Variants in AK2 observed in about 807,000 individuals in gnomAD.
AK2 encodes adenylate kinase 2, mitochondrial.
Under a neutral mutation model 24.6 loss-of-function variants are expected in AK2, and 15 were observed. That is an observed-to-expected ratio of 0.61 (90% CI 0.41 to 0.94). The LOEUF (loss-of-function observed/expected upper bound fraction) is 0.94. Among genes scored for constraint, AK2 ranks in the 40% least tolerant of loss-of-function variants. AK2 has a pLI of 0.00. For missense variants in AK2, 257 were observed against 304.1 expected, an observed-to-expected ratio of 0.85 and a Z score of 1.15; for synonymous variants, 102 against 114.0, an observed-to-expected ratio of 0.90 and a Z score of 0.67.
rs1336986360 is a variant in AK2, at chr1:33,012,390, G to T, written c.*791C>A. 2 of 1,514,394 alleles carry T rather than the reference G, an allele frequency of 1.3e-6. No individual in the cohort carries two copies. Among genetic ancestry groups the T allele is most frequent in the Admixed American group, 4.0e-5 (2 of 50,404 alleles). The allele number at this position is 1,514,394 out of a possible 1,614,324, so 93.8% of individuals were successfully genotyped here. A position where few individuals can be genotyped will look rare whatever the true frequency, so the allele number is the denominator to read the frequency against. On this transcript the variant is annotated 3_prime_UTR_variant, in exon 6 of 6. Transcript: ENST00000672715. ...CCTGTTCACACACTGACTCACGTGGGTTTTCATCATGGGTTAGAAAACAAA... is the reference window on the plus strand; with the variant it reads ...CCTGTTCACACACTGACTCACGTGGTTTTTCATCATGGGTTAGAAAACAAA...
intron 1 of AK2, among the ~76,000 whole-genome samples, chr1:33,030,222 T>C (rs1414001609): frequency 6.6e-6 from 1 of 152,220 alleles, no homozygotes; most frequent in Non-Finnish European, 1.5e-5. Context: ...TCTGCTCCAA[T>C]ATTGGTCTAA....
intron 2 of AK2, among the ~76,000 whole-genome samples, chr1:33,022,988 A>T (rs986766070): frequency 1.1e-4 from 17 of 152,314 alleles, no homozygotes; most frequent in Non-Finnish European, 2.1e-4. Context: ...ATGAAGGGAA[A>T]ACTAGATAGA....
intron 4 of AK2, among the ~76,000 whole-genome samples, chr1:33,015,107 C>A (rs1010361755): frequency 3.3e-5 from 5 of 152,180 alleles, no homozygotes; most frequent in African/African-American, 1.2e-4. Flanking sequence ...GAAATGAACT[C>A]TATTTTCTAA....
chr1:33,014,432 AAAGG>A (rs1639046154), intron 5 of AK2, 86 bp downstream of exon 5: 10 of 1,045,156 alleles, frequency 9.6e-6, no homozygotes, highest in Non-Finnish European at 1.3e-5. Flanking sequence ...GGTAGAAATA[AAAGG>A]AAGATGGAAA....
At chr1:33,036,443 C>A (rs1640584338) in intron 1 of AK2, among the ~76,000 whole-genome samples, 1 of 152,200 alleles carries the variant, frequency 6.6e-6, no homozygotes, top group African/African-American at 2.4e-5. Context: ...CTCACTCTAC[C>A]CCTCAAACCT....
chr1:33,026,340 A>G (rs181950432), intron 1 of AK2, among the ~76,000 whole-genome samples: 8 of 152,288 alleles, frequency 5.3e-5, no homozygotes, highest in African/African-American at 1.9e-4. Flanking sequence ...CTGGGATTGC[A>G]GGCACAAGCC....
Position 33,011,112 on chromosome 1 carries a change from G to T in AK2, c.*2069C>A. 1 of 1,422,410 alleles carries T rather than the reference G, an allele frequency of 7.0e-7. No homozygotes were observed. Among genetic ancestry groups the T allele is most frequent in the Non-Finnish European group, 9.2e-7 (1 of 1,091,460 alleles). 88.1% of individuals were successfully genotyped at this position (1,422,410 alleles called of 1,614,324 possible). ...ACTTGTACATGTTGTATGCACACGTGAATCTATGTGGACGGATGACAAATA... is the reference window on the plus strand; with the variant it reads ...ACTTGTACATGTTGTATGCACACGTTAATCTATGTGGACGGATGACAAATA... On this transcript the variant is annotated 3_prime_UTR_variant, in exon 6 of 6. Coordinates refer to ENST00000672715, the MANE Select transcript of AK2 (RefSeq NM_001625.4).
chr1:33,033,117 A>G (rs973150693), intron 1 of AK2, among the ~76,000 whole-genome samples: 5 of 150,946 alleles, frequency 3.3e-5, no homozygotes, highest in African/African-American at 1.2e-4. Flanking sequence ...CCAAGATCAC[A>G]CCACTGCACT....
At chr1:33,024,876 TCA>T (rs1412002341) in intron 1 of AK2, among the ~76,000 whole-genome samples, 1 of 152,212 alleles carries the variant, frequency 6.6e-6, no homozygotes, top group African/African-American at 2.4e-5. Flanking sequence ...CACATAAGTT[TCA>T]GTTTCCCCAT....
chr1:33,022,234 T>C (rs1218689111), intron 2 of AK2, among the ~76,000 whole-genome samples: 1 of 151,862 alleles, frequency 6.6e-6, no homozygotes, highest in Non-Finnish European at 1.5e-5. Context: ...GACTGATGTG[T>C]GTACTTGGTT....
At chr1:33,026,542 C>G (rs1183149950) in intron 1 of AK2, among the ~76,000 whole-genome samples, 1 of 152,260 alleles carries the variant, frequency 6.6e-6, no homozygotes, top group African/African-American at 2.4e-5. Context: ...GGTGCAGTGG[C>G]TCACGCCTGT....
At chr1:33,028,222 G>A (rs914888156) in intron 1 of AK2, among the ~76,000 whole-genome samples, 1 of 152,130 alleles carries the variant, frequency 6.6e-6, no homozygotes, top group Non-Finnish European at 1.5e-5. Flanking sequence ...TGCAGATTCC[G>A]GCTGGGCGCG....
At position 33,014,510 on chromosome 1, in the gene AK2, G is replaced by C; in HGVS notation, c.498+12C>G. On this transcript the variant is annotated intron_variant, in intron 5 of 5. Coordinates refer to ENST00000672715, the MANE Select transcript of AK2 (RefSeq NM_001625.4). ...GAAAGAAAAGGAAATTTTTTGTCCT[G>C]AGTTTACATACGTCATCTTTCATGG... 1 of 1,610,120 alleles carries C rather than the reference G, an allele frequency of 6.2e-7. No homozygotes were observed. Among genetic ancestry groups the C allele is most frequent in the Non-Finnish European group, 8.5e-7 (1 of 1,177,054 alleles).
Position 33,012,130 on chromosome 1 carries a change from T to C in AK2, c.*1051A>G. 1.3e-6 allele frequency: 2 copies of C among 1,535,500 alleles called. No homozygotes were observed. The highest frequency in any genetic ancestry group is 1.2e-5 in the South Asian group (1 of 84,060). Reference sequence around the variant, plus strand: ...TGCTCTCAGATGATCAGCCTGGATGTTCAGAAGACAATCTGAATTCAAAAG... The same window carrying C: ...TGCTCTCAGATGATCAGCCTGGATGCTCAGAAGACAATCTGAATTCAAAAG... On this transcript the variant is annotated 3_prime_UTR_variant, in exon 6 of 6. Transcript: ENST00000672715.
Position 33,019,372 on chromosome 1 carries a change from C to T in AK2, c.425+1995G>A, listed in dbSNP as rs370260098. Among the ~76,000 whole-genome samples, 61 of 152,302 alleles carry T rather than the reference C, an allele frequency of 4.0e-4. No homozygotes were observed. In the South Asian group the frequency reaches 0.012, roughly 31 times the overall value. ...TAGAATCAAAGGTCTCCAGTATCAC[C>T]TGATTCTGCTAATACGTGCTTAGTG... On this transcript the variant is annotated intron_variant, in intron 4 of 5. Coordinates refer to ENST00000672715, the MANE Select transcript of AK2 (RefSeq NM_001625.4).
rs147782001 is a variant in AK2, at chr1:33,010,544, T to C, written c.*2637A>G. 4,316 of 794,688 alleles carry C rather than the reference T, an allele frequency of 5.4e-3. 121 individuals are homozygous for C. The East Asian group carries it at 0.1, about 19-fold the overall frequency. The allele number at this position is 794,688 out of a possible 1,614,324, so 49.2% of individuals were successfully genotyped here. A position where few individuals can be genotyped will look rare whatever the true frequency, so the allele number is the denominator to read the frequency against. On this transcript the variant is annotated 3_prime_UTR_variant, in exon 6 of 6. Coordinates refer to ENST00000672715, the MANE Select transcript of AK2 (RefSeq NM_001625.4). Reference sequence around the variant, plus strand: ...CAGTCCAGAGTAAATGAAAACCCGATTCCTTAGAAATAATATTGTGTCTAT... The same window carrying C: ...CAGTCCAGAGTAAATGAAAACCCGACTCCTTAGAAATAATATTGTGTCTAT...
Position 33,032,886 on chromosome 1 carries a change from G to A in AK2, c.93+3850C>T, listed in dbSNP as rs143655036. Among the ~76,000 whole-genome samples the A allele has an allele frequency of 5.3e-5, 8 of 152,302 alleles. 1 individual carries two copies. The East Asian group carries it at 9.6e-4, about 18-fold the overall frequency. On this transcript the variant is annotated intron_variant, in intron 1 of 5. Coordinates refer to ENST00000672715, the MANE Select transcript of AK2 (RefSeq NM_001625.4). The stretch of plus-strand genomic sequence containing the variant: ...GAAAAATAATCCAATTTCTGGGGCT[G>A]GACATGATGGCTCACGGCTATAATC...
chr1:33,008,297 G>A lies in AK2; in HGVS notation c.*4884C>T, dbSNP rs1179360825. On this transcript the variant is annotated 3_prime_UTR_variant, in exon 6 of 6. Coordinates refer to ENST00000672715, the MANE Select transcript of AK2 (RefSeq NM_001625.4). ...GAGATAACTTGTCCAAGGTCGCATG[G>A]TGAAGTCGCTGTTGAAATCTGTCTT... 3 of 453,910 alleles carry A rather than the reference G, an allele frequency of 6.6e-6. No homozygotes were observed. Among genetic ancestry groups the A allele is most frequent in the African/African-American group, 6.0e-5 (3 of 49,972 alleles). 28.1% of individuals were successfully genotyped at this position (453,910 alleles called of 1,614,324 possible).
In AK2 at chr1:33,012,938, C is replaced by G. The variant is rs543599788; in HGVS notation, c.*243G>C. ...AAGAAGTAAACAGCTGGTAAAGCAACCTAGCCTAAAACTTACAAAGTAGCA... is the reference window on the plus strand; with the variant it reads ...AAGAAGTAAACAGCTGGTAAAGCAAGCTAGCCTAAAACTTACAAAGTAGCA... On this transcript the variant is annotated 3_prime_UTR_variant, in exon 6 of 6. Coordinates refer to ENST00000672715, the MANE Select transcript of AK2 (RefSeq NM_001625.4). The G allele has an allele frequency of 1.7e-4, 250 of 1,505,980 alleles. 1 individual carries two copies. Among genetic ancestry groups the G allele is most frequent in the Middle Eastern group, 8.7e-4 (4 of 4,578 alleles). The allele number at this position is 1,505,980 out of a possible 1,614,324, so 93.3% of individuals were successfully genotyped here.
Sources: gnomAD v4.1 joint callset for allele counts (sites outside exome capture counted in the v4.1 genomes callset) on GRCh38, gnomAD v4.1.1 for gene constraint, MANE v1.5 for transcripts, NCBI Gene and HGNC (gene_info 2026-07-23, HGNC 2026-07-21) for gene names.